Variants in SEMA3D observed in about 807,000 individuals in gnomAD.
SEMA3D encodes the protein semaphorin-3D.
SEMA3D carries 84 observed loss-of-function variants against 100.1 expected under a neutral mutation model. The observed-to-expected ratio is 0.84, with a 90% CI of 0.70 to 1.01. SEMA3D has a LOEUF of 1.01. Ranked by LOEUF, SEMA3D falls within the 50% of genes least tolerant of loss-of-function variation. SEMA3D has a pLI of 0.00. For missense variants in SEMA3D, 875 were observed against 934.1 expected (o/e 0.94, Z 0.82); for synonymous variants, 312 against 320.7 (o/e 0.97, Z 0.29).
intron 4 of SEMA3D, among the ~76,000 whole-genome samples, chr7:85,096,715 T>C (rs955651890): frequency 6.6e-6 from 1 of 151,888 alleles, no homozygotes; most frequent in Non-Finnish European, 1.5e-5. Context: ...TTACTACATA[T>C]GAAGATAAAT....
intron 4 of SEMA3D, among the ~76,000 whole-genome samples, chr7:85,093,286 C>A (rs1179027581): frequency 6.6e-6 from 1 of 151,916 alleles, no homozygotes; most frequent in East Asian, 1.9e-4. Flanking sequence ...CCTTTCCTTG[C>A]AAGTTTGAGA....
chr7:85,140,214 T>C (rs1313518993), intron 2 of SEMA3D: 1 of 662,450 alleles, frequency 1.5e-6, no homozygotes, highest in Non-Finnish European at 1.9e-6. Context: ...AATAAAAATG[T>C]TTTATTTTAC....
rs1791280291 is a variant in SEMA3D at position 85,055,429 on chromosome 7, G to A, written c.861+288C>T. ...CCAAAGATGTGTAACTCACACCAGG[G>A]CAACAGTTCAGGCACTGTTGGAAAA... On this transcript the variant is annotated intron_variant, in intron 9 of 18. Coordinates refer to ENST00000284136, the MANE Select transcript of SEMA3D (RefSeq NM_001384900.1). Among the ~76,000 whole-genome samples the A allele has an allele frequency of 2.0e-5, 3 of 151,830 alleles. No individual in the cohort carries two copies. In the South Asian group the frequency reaches 6.2e-4, roughly 32 times the overall value.
At chr7:85,098,053 A>C (rs1173388055) in intron 3 of SEMA3D, 88 bp from the exon 4 acceptor site, 8 of 724,424 alleles carry the variant, frequency 1.1e-5, no homozygotes, top group Non-Finnish European at 1.7e-5. Context: ...AAGAAAAAGA[A>C]AGGAAAGAGA....
the SEMA3D span, among the ~76,000 whole-genome samples, chr7:85,195,627 C>T: frequency 1.3e-5 from 2 of 151,958 alleles, no homozygotes; most frequent in East Asian, 3.9e-4. Flanking sequence ...TAATTTTCAA[C>T]TAATTATTTT....
chr7:85,121,734 T>C lies in SEMA3D; in HGVS notation c.151+7A>G. ...ATAAACAATTTAGAAAATATGTATATATTTACCTTTGTAGGTTAGCTTGAG... is the reference window on the plus strand; with the variant it reads ...ATAAACAATTTAGAAAATATGTATACATTTACCTTTGTAGGTTAGCTTGAG... On this transcript the variant is annotated splice_region_variant and intron_variant, in intron 3 of 18. Coordinates refer to ENST00000284136, the MANE Select transcript of SEMA3D (RefSeq NM_001384900.1). The C allele has an allele frequency of 1.4e-6, 2 of 1,480,208 alleles. No individual in the cohort carries two copies. Among genetic ancestry groups the C allele is most frequent in the Non-Finnish European group, 1.9e-6 (2 of 1,080,136 alleles). 91.7% of individuals were successfully genotyped at this position (1,480,208 alleles called of 1,614,324 possible). A position where few individuals can be genotyped will look rare whatever the true frequency, so the allele number is the denominator to read the frequency against.
upstream of SEMA3D, among the ~76,000 whole-genome samples, chr7:85,191,293 G>A (rs1369133981): frequency 6.6e-6 from 1 of 152,070 alleles, no homozygotes; most frequent in Non-Finnish European, 1.5e-5. Flanking sequence ...TCAGATAAAT[G>A]GCTTTTTGTG....
chr7:85,150,595 G>A (rs1336575880), intron 2 of SEMA3D, among the ~76,000 whole-genome samples: 1 of 150,314 alleles, frequency 6.7e-6, no homozygotes, highest in African/African-American at 2.4e-5. Context: ...GAAACCTGAA[G>A]GAGAATTTGT....
rs1019156453 is a variant in SEMA3D, at chr7:85,069,826, A to G, written c.496-1542T>C. Among the ~76,000 whole-genome samples the G allele has an allele frequency of 2.0e-5, 3 of 152,222 alleles. No homozygotes were observed. The East Asian group carries it at 5.8e-4, about 29-fold the overall frequency. On this transcript the variant is annotated intron_variant, in intron 6 of 18. Coordinates refer to ENST00000284136, the MANE Select transcript of SEMA3D (RefSeq NM_001384900.1). ...TCCCAGAGGAAATGATACCAAGCCA[A>G]GCATTAAACAGCTTTCAAGTTTTCC...
intron 1 of SEMA3D, among the ~76,000 whole-genome samples, chr7:85,172,955 A>C (rs1023219380): frequency 1.3e-5 from 2 of 152,100 alleles, no homozygotes; most frequent in Non-Finnish European, 1.5e-5. Context: ...AGCATTTAAC[A>C]AAAGATCCCA....
chr7:85,218,254 TA>T, the SEMA3D span, among the ~76,000 whole-genome samples: 3 of 152,236 alleles, frequency 2.0e-5, no homozygotes, highest in South Asian at 4.1e-4. Context: ...CTTCTTTGAA[TA>T]AAAACTATCA....
At chr7:85,208,238 G>A in the SEMA3D span, among the ~76,000 whole-genome samples, 1 of 151,834 alleles carries the variant, frequency 6.6e-6, no homozygotes, top group African/African-American at 2.4e-5. Flanking sequence ...TTGAGACATT[G>A]CTTACCTTAT....
intron 1 of SEMA3D, among the ~76,000 whole-genome samples, chr7:85,171,958 T>G (rs1791094547): frequency 1.3e-5 from 2 of 150,812 alleles, no homozygotes; most frequent in Middle Eastern, 3.4e-3. Flanking sequence ...TGTGTGTGTG[T>G]GGGTGTGTGT....
chr7:85,083,422 C>A (rs964463562), intron 4 of SEMA3D, among the ~76,000 whole-genome samples: 1 of 152,198 alleles, frequency 6.6e-6, no homozygotes, highest in African/African-American at 2.4e-5. Context: ...ACTCAATAAT[C>A]CAGATGGAAC....
chr7:85,248,819 T>G, the SEMA3D span, among the ~76,000 whole-genome samples: 1 of 152,138 alleles, frequency 6.6e-6, no homozygotes, highest in African/African-American at 2.4e-5. Flanking sequence ...TTCTCAGGAT[T>G]TAGCAGAGAG....
At chr7:85,054,029 C>T (rs961951083) in intron 9 of SEMA3D, among the ~76,000 whole-genome samples, 11 of 151,646 alleles carry the variant, frequency 7.3e-5, no homozygotes, top group Admixed American at 5.9e-4. Context: ...TAAAATATTA[C>T]ATGGTTGATG....
the SEMA3D span, among the ~76,000 whole-genome samples, chr7:85,193,346 T>C: frequency 6.6e-6 from 1 of 152,130 alleles, no homozygotes; most frequent in African/African-American, 2.4e-5. Flanking sequence ...TTGTGAGCTT[T>C]ACATCCTGGA....
intron 18 of SEMA3D, among the ~76,000 whole-genome samples, chr7:85,002,737 A>G (rs1789687938): frequency 6.6e-6 from 1 of 152,196 alleles, no homozygotes; most frequent in Non-Finnish European, 1.5e-5. Flanking sequence ...TCAACTATCC[A>G]TTTGCCTAAT....
intron 2 of SEMA3D, among the ~76,000 whole-genome samples, chr7:85,126,404 C>CGTGTGTGT (rs374819280): frequency 2.2e-5 from 3 of 134,092 alleles, no homozygotes; most frequent in African/African-American, 5.3e-5. Flanking sequence ...GTGTGTGTGT[C>CGTGTGTGT]GTGTGTGTGT....
Sources: allele counts gnomAD v4.1 joint callset (sites outside exome capture counted in the v4.1 genomes callset), GRCh38; gene constraint gnomAD v4.1.1; transcripts MANE v1.5; gene names NCBI Gene and HGNC (gene_info 2026-07-23, HGNC 2026-07-21).